SPATA6: variants seen among roughly 807,000 people sequenced by gnomAD.
The protein encoded by SPATA6 is spermatogenesis associated 6, also known as spermatogenesis-associated protein 6.
In SPATA6, 56 loss-of-function variants were observed where a neutral mutation model predicts 65.3. That is an observed-to-expected ratio of 0.86 (90% confidence interval 0.69 to 1.07). The LOEUF (loss-of-function observed/expected upper bound fraction) is 1.07. Ranked by LOEUF, SPATA6 falls within the 50% of genes least tolerant of loss-of-function variation. SPATA6 has a pLI of 0.00. For missense variants in SPATA6, 590 were observed against 594.8 expected (o/e 0.99, Z 0.08); for synonymous variants, 199 against 213.2 (o/e 0.93, Z 0.58).
intron 7 of SPATA6, among the ~76,000 whole-genome samples, chr1:48,398,208 A>G (rs568605080): frequency 6.6e-6 from 1 of 151,794 alleles, no homozygotes; most frequent in East Asian, 1.9e-4. Flanking sequence ...AGTAGTCACA[A>G]TAACTTCAAT....
intron 11 of SPATA6, 146 bp from the exon 12 acceptor site, chr1:48,306,024 G>A (rs565946673): frequency 9.3e-5 from 56 of 603,952 alleles, no homozygotes; most frequent in African/African-American, 7.2e-4. Context: ...TCTTTGGGGG[G>A]AAAAAGGTTA....
At chr1:48,401,411 C>G (rs1306527868) in intron 6 of SPATA6, among the ~76,000 whole-genome samples, 1 of 152,030 alleles carries the variant, frequency 6.6e-6, no homozygotes, top group Non-Finnish European at 1.5e-5. Context: ...TGCTGTCTAA[C>G]CCTACTTATT....
chr1:48,325,258 C>CA, intron 11 of SPATA6: 1 of 844,536 alleles, frequency 1.2e-6, no homozygotes, highest in Non-Finnish European at 1.9e-6. Flanking sequence ...TTGGATATGG[C>CA]ATAAACAAGC....
At chr1:48,357,554 T>C (rs946069710) in intron 10 of SPATA6, among the ~76,000 whole-genome samples, 14 of 152,166 alleles carry the variant, frequency 9.2e-5, no homozygotes, top group African/African-American at 3.1e-4. Flanking sequence ...TGTTCTGTCA[T>C]ACATCATCCA....
At chr1:48,271,230 C>T in the SPATA6 span, among the ~76,000 whole-genome samples, 1 of 152,120 alleles carries the variant, frequency 6.6e-6, no homozygotes. Flanking sequence ...AGTTTAGGAG[C>T]TGGTCTTAGT....
intron 6 of SPATA6, among the ~76,000 whole-genome samples, chr1:48,400,350 C>G (rs930180230): frequency 6.6e-6 from 1 of 151,782 alleles, no homozygotes; most frequent in Non-Finnish European, 1.5e-5. Context: ...GGTTAGCAGT[C>G]TAAAAGTTTT....
intron 1 of SPATA6, among the ~76,000 whole-genome samples, chr1:48,462,257 A>G (rs1178223657): frequency 6.6e-6 from 1 of 152,126 alleles, no homozygotes; most frequent in East Asian, 1.9e-4. Context: ...TGACGAGTTA[A>G]TGGGTGCAGC....
At chr1:48,406,717 T>C (rs1651744961) in intron 5 of SPATA6, among the ~76,000 whole-genome samples, 1 of 152,204 alleles carries the variant, frequency 6.6e-6, no homozygotes, top group African/African-American at 2.4e-5. Context: ...GCTATCATCA[T>C]ATCACTAACA....
At chr1:48,327,163 A>C (rs1293913372) in intron 11 of SPATA6, among the ~76,000 whole-genome samples, 1 of 152,182 alleles carries the variant, frequency 6.6e-6, no homozygotes, top group African/African-American at 2.4e-5. Context: ...AAAAAAGAAA[A>C]ACCAATAAAA....
the SPATA6 span, among the ~76,000 whole-genome samples, chr1:48,276,327 CTCTT>C: frequency 6.6e-6 from 1 of 151,106 alleles, no homozygotes; most frequent in African/African-American, 2.4e-5. Flanking sequence ...TTTTTCATGT[CTCTT>C]TCTCATTCAG....
the SPATA6 span, among the ~76,000 whole-genome samples, chr1:48,286,482 G>T: frequency 6.6e-6 from 1 of 152,054 alleles, no homozygotes; most frequent in Non-Finnish European, 1.5e-5. Flanking sequence ...GGGTATAGAA[G>T]TAATACTGAT....
downstream of SPATA6, among the ~76,000 whole-genome samples, chr1:48,294,225 T>C (rs1250464029): frequency 6.6e-6 from 1 of 152,122 alleles, no homozygotes; most frequent in Non-Finnish European, 1.5e-5. Context: ...TACAGGTGCA[T>C]GCCACTACGC....
At chr1:48,393,015 A>AATTTTTAAAAATCACT (rs1553162706) in intron 8 of SPATA6, among the ~76,000 whole-genome samples, 1 of 152,146 alleles carries the variant, frequency 6.6e-6, no homozygotes, top group Non-Finnish European at 1.5e-5. Flanking sequence ...AGAAGAATAG[A>AATTTTTAAAAATCACT]ATTTTTAAAA....
chr1:48,350,989 CATG>C (rs975125756), intron 11 of SPATA6, among the ~76,000 whole-genome samples: 5 of 151,898 alleles, frequency 3.3e-5, no homozygotes, highest in Admixed American at 6.6e-5. Context: ...TGTCCATGAA[CATG>C]ATATGTCAAC....
intron 11 of SPATA6, among the ~76,000 whole-genome samples, chr1:48,313,476 T>A (rs980333239): frequency 2.6e-5 from 4 of 152,022 alleles, no homozygotes; most frequent in African/African-American, 9.7e-5. Context: ...ATAAAATCCT[T>A]TACAGACAAG....
the SPATA6 span, among the ~76,000 whole-genome samples, chr1:48,269,493 C>G: frequency 6.6e-6 from 1 of 152,114 alleles, no homozygotes; most frequent in African/African-American, 2.4e-5. Flanking sequence ...ATTTTTCAAA[C>G]TACAAATACT....
intron 11 of SPATA6, among the ~76,000 whole-genome samples, chr1:48,349,356 T>C (rs911403366): frequency 6.6e-6 from 1 of 152,030 alleles, no homozygotes; most frequent in Non-Finnish European, 1.5e-5. Flanking sequence ...ATGTAGTTCT[T>C]TTTGTCTTAG....
intron 12 of SPATA6, among the ~76,000 whole-genome samples, chr1:48,302,657 C>T (rs1235840523): frequency 1.3e-5 from 2 of 152,146 alleles, no homozygotes; most frequent in Non-Finnish European, 2.9e-5. Flanking sequence ...TTACTTTCTG[C>T]CTTCACAAGG....
intron 9 of SPATA6, among the ~76,000 whole-genome samples, chr1:48,367,069 G>A (rs1472557832): frequency 2.0e-5 from 3 of 152,108 alleles, no homozygotes; most frequent in Non-Finnish European, 2.9e-5. Context: ...TAGTCATTCA[G>A]GAGCAGGTTG....
Sources: allele counts gnomAD v4.1 joint callset (sites outside exome capture counted in the v4.1 genomes callset), GRCh38; gene constraint gnomAD v4.1.1; transcripts MANE v1.5; gene names NCBI Gene and HGNC (gene_info 2026-07-23, HGNC 2026-07-21).